The following CARNMT1 variants were observed in gnomAD, a reference collection of about 807,000 sequenced individuals.
CARNMT1 encodes the protein protein-L-histidine N-pros-methyltransferase CARNMT1.
CARNMT1 carries 28 observed loss-of-function variants against 49.6 expected under a neutral mutation model. That is an observed-to-expected ratio of 0.56 (90% CI 0.42 to 0.77). CARNMT1 has a LOEUF of 0.77. Ranked by LOEUF, CARNMT1 falls within the 30% of genes least tolerant of loss-of-function variation. The probability of loss-of-function intolerance (pLI) is 0.00; values close to 1 mark genes in which losing one functional copy is unlikely to be tolerated. For missense variants in CARNMT1, 421 were observed against 512.6 expected, an observed-to-expected ratio of 0.82 and a Z score of 1.73; for synonymous variants, 178 against 175.0, an observed-to-expected ratio of 1.02 and a Z score of -0.13.
intron 1 of CARNMT1, among the ~76,000 whole-genome samples, chr9:75,025,308 G>C (rs546426433): frequency 7.2e-5 from 11 of 152,214 alleles, no homozygotes; most frequent in Non-Finnish European, 1.6e-4. Context: ...GACAAAAGCA[G>C]AGTGATTATT....
chr9:75,026,428 GAT>G (rs1822531843), intron 1 of CARNMT1, among the ~76,000 whole-genome samples: 1 of 152,124 alleles, frequency 6.6e-6, no homozygotes, highest in Non-Finnish European at 1.5e-5. Context: ...ATTCTTTCTA[GAT>G]TTTTCAAGAG....
chr9:74,986,040 A>C (rs1276396950), intron 6 of CARNMT1, among the ~76,000 whole-genome samples: 1 of 152,196 alleles, frequency 6.6e-6, no homozygotes, highest in East Asian at 1.9e-4. Context: ...CATGATTTTC[A>C]AATCTTTCAA....
At chr9:75,019,333 C>T (rs2118863587) in intron 1 of CARNMT1, among the ~76,000 whole-genome samples, 1 of 152,136 alleles carries the variant, frequency 6.6e-6, no homozygotes, top group Middle Eastern at 3.4e-3. Flanking sequence ...AATATTTTAC[C>T]CCAAAATATA....
intron 1 of CARNMT1, among the ~76,000 whole-genome samples, chr9:75,023,957 C>T (rs1297889283): frequency 6.6e-6 from 1 of 152,198 alleles, no homozygotes; most frequent in East Asian, 1.9e-4. Flanking sequence ...CAGGAGGTGA[C>T]ATCCTCTTGC....
chr9:74,995,292 C>G (rs1359687877), intron 6 of CARNMT1, among the ~76,000 whole-genome samples: 1 of 152,130 alleles, frequency 6.6e-6, no homozygotes, highest in African/African-American at 2.4e-5. Flanking sequence ...TAACCCAAGA[C>G]TCTAAGTCTC....
In CARNMT1 at chr9:75,022,326, C is replaced by T. The variant is rs552255910; in HGVS notation, c.231-4878G>A. Among the ~76,000 whole-genome samples, 14 of 145,472 alleles carry T rather than the reference C, an allele frequency of 9.6e-5. No individual in the cohort carries two copies. In the South Asian group the frequency reaches 1.1e-3, roughly 11 times the overall value. ...GCCAGCTCTGCCTCCCAGCTTCAAG[C>T]GCTTCTTCTGGTTCAGTCTCCCAAG... On this transcript the variant is annotated intron_variant, in intron 1 of 7. Coordinates refer to ENST00000376834, the MANE Select transcript of CARNMT1 (RefSeq NM_152420.3).
rs148148533 is a variant in CARNMT1 at position 75,025,803 on chromosome 9, G to A, written c.230+2209C>T. On this transcript the variant is annotated intron_variant, in intron 1 of 7. Transcript: ENST00000376834. ...CGGATTGTCCATCACAACCTACTTC[G>A]ATAATGGAAAAGCTTTTATTTGCAC... 2.3e-3 allele frequency among the ~76,000 whole-genome samples: 350 copies of A among 152,096 alleles called. 1 individual carries two copies. Among genetic ancestry groups the A allele is most frequent in the African/African-American group, 8.1e-3 (337 of 41,502 alleles).
intron 2 of CARNMT1, chr9:75,016,644 A>C: frequency 1.9e-6 from 1 of 515,552 alleles, no homozygotes; most frequent in Non-Finnish European, 3.4e-6. Flanking sequence ...TCCATTAATC[A>C]TAAAACCACC....
chr9:75,022,602 G>GT (rs1822404967), intron 1 of CARNMT1, among the ~76,000 whole-genome samples: 1 of 152,114 alleles, frequency 6.6e-6, no homozygotes, highest in South Asian at 2.1e-4. Context: ...TAACAGCAGA[G>GT]TATGACATTA....
chr9:75,009,010 C>A (rs538865315), intron 3 of CARNMT1, among the ~76,000 whole-genome samples: 9 of 150,648 alleles, frequency 6.0e-5, no homozygotes, highest in African/African-American at 2.2e-4. Flanking sequence ...ATACATGGTC[C>A]ACTAATTTTC....
intron 6 of CARNMT1, among the ~76,000 whole-genome samples, chr9:74,992,379 T>C (rs537383819): frequency 6.6e-6 from 1 of 152,360 alleles, no homozygotes; most frequent in Non-Finnish European, 1.5e-5. Context: ...TTTTACCAGA[T>C]GTAGTTACAT....
In CARNMT1 at chr9:74,981,396, T is replaced by G. The variant is rs1269279965; in HGVS notation, c.*2371A>C. On this transcript the variant is annotated 3_prime_UTR_variant, in exon 8 of 8. Transcript: ENST00000376834. ...CTAATTTAAGAAAAACATTTTAAAC[T>G]TTAAGGCTTACATACTTTAGTAGCT... 1 of 152,124 alleles carries G rather than the reference T, an allele frequency of 6.6e-6. No homozygotes were observed. The highest frequency in any genetic ancestry group is 1.9e-4 in the East Asian group (1 of 5,198). The allele number at this position is 152,124 out of a possible 1,614,324, so 9.4% of individuals were successfully genotyped here. A position where few individuals can be genotyped will look rare whatever the true frequency, so the allele number is the denominator to read the frequency against.
rs1436410696 is a variant in CARNMT1 at position 74,982,845 on chromosome 9, TTTTA to T, written c.*918_*921del. The T allele has an allele frequency of 6.6e-6, 1 of 152,174 alleles. No individual in the cohort carries two copies. The highest frequency in any genetic ancestry group is 1.5e-5 in the Non-Finnish European group (1 of 68,024). The allele number at this position is 152,174 out of a possible 1,614,324, so 9.4% of individuals were successfully genotyped here. A position where few individuals can be genotyped will look rare whatever the true frequency, so the allele number is the denominator to read the frequency against. ...CCTAGCACTACTTTTAATAAAGGCT[TTTTA>T]TTTCTCACTTTGAATGTTGAGATCT... On this transcript the variant is annotated 3_prime_UTR_variant, in exon 8 of 8. Transcript: ENST00000376834.
chr9:74,996,396 G>GT (rs774731910), intron 6 of CARNMT1, 51 bp downstream of exon 6: 9 of 871,032 alleles, frequency 1.0e-5, no homozygotes, highest in Admixed American at 2.1e-5. Context: ...TAATACAGCT[G>GT]TAAGTACTCA....
At chr9:75,006,524 T>C (rs1168603057) in intron 3 of CARNMT1, among the ~76,000 whole-genome samples, 3 of 152,036 alleles carry the variant, frequency 2.0e-5, no homozygotes, top group African/African-American at 4.8e-5. Context: ...ACAAATAACA[T>C]AGGAAGAAAT....
chr9:75,016,113 ACAGAG>A, intron 3 of CARNMT1, 150 bp downstream of exon 3: 1 of 553,878 alleles, frequency 1.8e-6, no homozygotes, highest in Non-Finnish European at 3.1e-6. Context: ...GTAATCTCAC[ACAGAG>A]CATCCAATAA....
At chr9:74,987,234 T>C (rs992844828) in intron 6 of CARNMT1, among the ~76,000 whole-genome samples, 7 of 152,200 alleles carry the variant, frequency 4.6e-5, no homozygotes, top group Non-Finnish European at 8.8e-5. Context: ...TGCCAGTTTC[T>C]AAGTTATAGA....
chr9:74,995,197 T>G (rs922859169), intron 6 of CARNMT1, among the ~76,000 whole-genome samples: 3 of 152,170 alleles, frequency 2.0e-5, no homozygotes, highest in Non-Finnish European at 2.9e-5. Context: ...ACTTACAAAT[T>G]AACTGAGGGT....
At chr9:75,010,277 C>T (rs545954754) in intron 3 of CARNMT1, 3 of 152,062 alleles carry the variant, frequency 2.0e-5, no homozygotes, top group African/African-American at 7.2e-5. Context: ...GTGCCCACCA[C>T]CACACCCAGC....
Sources: allele counts gnomAD v4.1 joint callset (sites outside exome capture counted in the v4.1 genomes callset), GRCh38; gene constraint gnomAD v4.1.1; transcripts MANE v1.5; gene names NCBI Gene and HGNC (gene_info 2026-07-23, HGNC 2026-07-21).